The following TCF4 variants were observed in gnomAD, a reference collection of about 807,000 sequenced individuals.
The protein encoded by TCF4 is SL3-3 enhancer factor 2.
In TCF4, 3 loss-of-function variants were observed where a neutral mutation model predicts 82.1. The observed-to-expected ratio is 0.04, with a 90% CI of 0.02 to 0.09. TCF4 has a LOEUF of 0.09. Ranked by LOEUF, TCF4 falls within the 10% of genes least tolerant of loss-of-function variation. TCF4 has a pLI of 1.00. For synonymous variants in TCF4, 276 were observed against 309.6 expected (o/e 0.89, Z 1.14); for missense variants, 518 against 852.7 (o/e 0.61, Z 4.89).
intron 3 of TCF4, among the ~76,000 whole-genome samples, chr18:55,515,513 A>G (rs2096872593): frequency 6.6e-6 from 1 of 152,204 alleles, no homozygotes; most frequent in South Asian, 2.1e-4. Flanking sequence ...CAATCAGATC[A>G]GTCTTCTGTG....
intron 2 of TCF4, among the ~76,000 whole-genome samples, chr18:55,627,137 G>A (rs138452146): frequency 5.1e-4 from 78 of 152,234 alleles, no homozygotes; most frequent in South Asian, 3.9e-3. Flanking sequence ...CAAAATGAGT[G>A]GTTCTAATTT....
intron 3 of TCF4, among the ~76,000 whole-genome samples, chr18:55,548,128 T>C (rs778208340): frequency 2.0e-5 from 3 of 152,234 alleles, no homozygotes; most frequent in Non-Finnish European, 2.9e-5. Flanking sequence ...TTCCTTGAAA[T>C]AGAAAATGTG....
At position 55,232,503 on chromosome 18, in the gene TCF4, T is replaced by C. The variant is rs373152295; in HGVS notation, c.1649+6A>G. The C allele has an allele frequency of 6.2e-7, 1 of 1,614,104 alleles. No individual in the cohort carries two copies. The highest frequency in any genetic ancestry group is 8.5e-7 in the Non-Finnish European group (1 of 1,179,932). ...TAAATGAAGCGACAGTATTATATAC[T>C]GTTACCTAGATCTTGACCTAGTAAT... is the stretch of plus-strand genomic sequence containing the variant. On this transcript the variant is annotated splice_donor_region_variant and intron_variant, in intron 17 of 19. Coordinates refer to ENST00000354452, the MANE Select transcript of TCF4 (RefSeq NM_001083962.2).
intron 6 of TCF4, among the ~76,000 whole-genome samples, chr18:55,353,451 A>G (rs756614077): frequency 1.3e-5 from 2 of 152,162 alleles, no homozygotes; most frequent in African/African-American, 2.4e-5. Flanking sequence ...CACAAAGCAC[A>G]TTCCTGTTTC....
chr18:55,222,884 A>C lies in TCF4; in HGVS notation c.*5151T>G, dbSNP rs901622931. On this transcript the variant is annotated 3_prime_UTR_variant, in exon 20 of 20. Transcript: ENST00000354452. ...TAGAAAAAAACATCTGGTTGTTTAC[A>C]TCTGGATTAATAGTCAACAGAGGCA... The C allele has an allele frequency of 1.3e-5, 2 of 152,656 alleles. No homozygotes were observed. Among genetic ancestry groups the C allele is most frequent in the Admixed American group, 6.5e-5 (1 of 15,274 alleles). The allele number at this position is 152,656 out of a possible 1,614,324, so 9.5% of individuals were successfully genotyped here. A position where few individuals can be genotyped will look rare whatever the true frequency, so the allele number is the denominator to read the frequency against.
intron 15 of TCF4, among the ~76,000 whole-genome samples, chr18:55,243,252 CAT>C (rs1274951381): frequency 3.9e-5 from 6 of 152,312 alleles, no homozygotes; most frequent in Non-Finnish European, 5.9e-5. Context: ...TGTGTGTTAA[CAT>C]GTGTTTTCAT....
At chr18:55,589,888 G>GT (rs1456258453), upstream of TCF4, 5 of 973,250 alleles carry the variant, frequency 5.1e-6, no homozygotes, top group Non-Finnish European at 6.1e-6. Context: ...CCATAGAGTG[G>GT]TAAACAGAGC....
At position 55,398,434 on chromosome 18, in the gene TCF4, G is replaced by T. The variant is rs143478660; in HGVS notation, c.369+5020C>A. ...CAACAACACCTCTGCCAGAACCACA[G>T]ATCATCTATAATTCCCTCATTCAGG... On this transcript the variant is annotated intron_variant, in intron 6 of 19. Transcript: ENST00000354452. Among the ~76,000 whole-genome samples, 9 of 152,258 alleles carry T rather than the reference G, an allele frequency of 5.9e-5. No homozygotes were observed. The East Asian group carries it at 1.7e-3, about 29-fold the overall frequency.
chr18:55,571,732 T>C (rs2097471357), intron 3 of TCF4, among the ~76,000 whole-genome samples: 1 of 142,964 alleles, frequency 7.0e-6, no homozygotes, highest in Admixed American at 7.2e-5. Flanking sequence ...GAATGAGAGG[T>C]AGAGGGTGTT....
chr18:55,586,716 C>T (rs1310946359), intron 2 of TCF4, among the ~76,000 whole-genome samples: 2 of 151,930 alleles, frequency 1.3e-5, no homozygotes, highest in Non-Finnish European at 2.9e-5. Context: ...TCTCAGTGTT[C>T]AGACATGGCC....
intron 8 of TCF4, among the ~76,000 whole-genome samples, chr18:55,297,794 T>C (rs1409931680): frequency 6.6e-6 from 1 of 151,398 alleles, no homozygotes; most frequent in Admixed American, 6.6e-5. Flanking sequence ...AAAAAAAAAC[T>C]AGCAATTTTT....
intron 5 of TCF4, among the ~76,000 whole-genome samples, chr18:55,407,147 T>G (rs1256726414): frequency 6.6e-6 from 1 of 152,186 alleles, no homozygotes; most frequent in African/African-American, 2.4e-5. Context: ...TGATTCATTT[T>G]TATACCTAAA....
intron 3 of TCF4, among the ~76,000 whole-genome samples, chr18:55,567,905 A>C (rs958573765): frequency 6.6e-6 from 1 of 152,176 alleles, no homozygotes; most frequent in Admixed American, 6.5e-5. Flanking sequence ...ACAACAATTA[A>C]ATTGTAATAG....
At chr18:55,453,240 A>AC (rs34324781) in intron 5 of TCF4, among the ~76,000 whole-genome samples, 147,089 of 152,080 alleles carry the variant, frequency 0.97, 71,367 homozygotes, top group South Asian at 1. Flanking sequence ...AGAAGCTGTG[A>AC]CCCCCATCTT....
rs748157709 is a variant in TCF4 at position 55,254,621 on chromosome 18, G to A, written c.1226C>T (p.Thr409Ile). Residue 409 changes from threonine (T) to isoleucine (I), a missense_variant, in exon 15 of 20, where the codon ACA (threonine) becomes ATA (isoleucine). Transcript: ENST00000354452. ...GTCCCCATGACCACCAGGCATAGCTGTGGATGGGCCCACTGCATGGTTCCG... is the reference window on the plus strand; with the variant it reads ...GTCCCCATGACCACCAGGCATAGCTATGGATGGGCCCACTGCATGGTTCCG... ...VLRNHAVGPS[T>I]AMPGGHGDMH... The A allele has an allele frequency of 6.2e-7, 1 of 1,613,624 alleles. No individual in the cohort carries two copies. The highest frequency in any genetic ancestry group is 1.1e-5 in the South Asian group (1 of 91,054).
At chr18:55,275,525 T>C (rs1568619092) in intron 10 of TCF4, 94 bp downstream of exon 10, 2 of 1,560,632 alleles carry the variant, frequency 1.3e-6, no homozygotes, top group Non-Finnish European at 1.8e-6. Context: ...TTTGCACTTA[T>C]TTGCAGAGTC....
intron 3 of TCF4, among the ~76,000 whole-genome samples, chr18:55,470,208 T>C (rs1387415130): frequency 6.6e-6 from 1 of 152,240 alleles, no homozygotes; most frequent in Non-Finnish European, 1.5e-5. Flanking sequence ...ACTTGATCCG[T>C]AGTAAATATC....
intron 3 of TCF4, among the ~76,000 whole-genome samples, chr18:55,513,831 AT>A (rs2096853114): frequency 6.6e-6 from 1 of 152,178 alleles, no homozygotes; most frequent in Non-Finnish European, 1.5e-5. Flanking sequence ...CTGTGTTACA[AT>A]CCCAAAATCT....
chr18:55,317,665 T>C (rs1032456305), intron 8 of TCF4, among the ~76,000 whole-genome samples: 3 of 152,078 alleles, frequency 2.0e-5, no homozygotes, highest in African/African-American at 7.2e-5. Flanking sequence ...ACCCCAATTT[T>C]CAGCTTTAAA....
Sources: gnomAD v4.1 joint callset for allele counts (sites outside exome capture counted in the v4.1 genomes callset) on GRCh38, gnomAD v4.1.1 for gene constraint, MANE v1.5 for transcripts, NCBI Gene and HGNC (gene_info 2026-07-23, HGNC 2026-07-21) for gene names.